The following TTYH3 variants were observed in gnomAD, a reference collection of about 807,000 sequenced individuals.
TTYH3 encodes the protein protein tweety homolog 3.
TTYH3 carries 23 observed loss-of-function variants against 68.2 expected under a neutral mutation model. The observed-to-expected ratio is 0.34, with a 90% CI of 0.24 to 0.48. The LOEUF (loss-of-function observed/expected upper bound fraction) is 0.48. TTYH3 is among the 20% of genes least tolerant of loss of function. The pLI is 0.99. For synonymous variants in TTYH3, 360 were observed against 332.8 expected (o/e 1.08, Z -0.89); for missense variants, 768 against 727.7 (o/e 1.06, Z -0.64).
At chr7:2,654,111 C>T (rs1287591951) in intron 9 of TTYH3, among the ~76,000 whole-genome samples, 5 of 152,110 alleles carry the variant, frequency 3.3e-5, no homozygotes, top group Admixed American at 2.0e-4. Flanking sequence ...TATACACACA[C>T]GGGGCCGGGC....
chr7:2,641,685 G>T (rs974122327), intron 1 of TTYH3, among the ~76,000 whole-genome samples: 3 of 152,256 alleles, frequency 2.0e-5, no homozygotes, highest in Non-Finnish European at 2.9e-5. Context: ...CGCCAGCCCG[G>T]TGGAGAGAGG....
chr7:2,661,565 C>T (rs1786497566), intron 13 of TTYH3, 103 bp from the exon 14 acceptor site: 2 of 1,161,822 alleles, frequency 1.7e-6, no homozygotes, highest in East Asian at 5.1e-5. Context: ...CATTCTGCCC[C>T]CAGGGCTGTT....
At chr7:2,650,613 C>T (rs1786148233) in intron 7 of TTYH3, among the ~76,000 whole-genome samples, 1 of 151,780 alleles carries the variant, frequency 6.6e-6, no homozygotes, top group African/African-American at 2.4e-5. Context: ...GACGCTGCAT[C>T]TCTTCTAAGA....
At chr7:2,651,813 C>T (rs1466260012) in intron 7 of TTYH3, among the ~76,000 whole-genome samples, 1 of 152,160 alleles carries the variant, frequency 6.6e-6, no homozygotes, top group Non-Finnish European at 1.5e-5. Context: ...GGAACCCAGG[C>T]AAGGGGCAGT....
Position 2,645,793 on chromosome 7 carries a change from G to A in TTYH3, c.124-1060G>A, listed in dbSNP as rs1230550046. The A allele has an allele frequency of 4.2e-6, 2 of 470,940 alleles. No homozygotes were observed. The highest frequency in any genetic ancestry group is 8.8e-6 in the Non-Finnish European group (2 of 227,038). The allele number at this position is 470,940 out of a possible 1,614,324, so 29.2% of individuals were successfully genotyped here. A position where few individuals can be genotyped will look rare whatever the true frequency, so the allele number is the denominator to read the frequency against. ...TCAGAAACACTTTCATGGTCAGCAA[G>A]AGGGGGTTCAGTCCCCCACAGGCTC... is the stretch of plus-strand genomic sequence containing the variant. On this transcript the variant is annotated intron_variant, in intron 1 of 13. Transcript: ENST00000258796. The surrounding 1 kb of genome is among the most constrained non-coding windows in gnomAD (Gnocchi z 4.8).
At chr7:2,651,505 C>A (rs1036223840) in intron 7 of TTYH3, among the ~76,000 whole-genome samples, 7 of 152,188 alleles carry the variant, frequency 4.6e-5, no homozygotes, top group Admixed American at 4.6e-4. Context: ...TCATCCTGGT[C>A]CCTCCAGGTC....
rs372091823 is a variant in TTYH3, at chr7:2,661,660, C to G, written c.1501-8C>G. The G allele has an allele frequency of 8.9e-5, 144 of 1,611,818 alleles. No homozygotes were observed. The highest frequency in any genetic ancestry group is 1.1e-4 in the Non-Finnish European group (128 of 1,179,324). On this transcript the variant is annotated splice_polypyrimidine_tract_variant and splice_region_variant and intron_variant, in intron 13 of 13. Coordinates refer to ENST00000258796, the MANE Select transcript of TTYH3 (RefSeq NM_025250.3). ...CCCTGCTGATGCCTCCCCCTTGTCT[C>G]CCTCCAGTACACCTCCAGCATGAGA...
intron 13 of TTYH3, chr7:2,660,193 G>C: frequency 4.1e-6 from 4 of 985,436 alleles, no homozygotes; most frequent in Non-Finnish European, 4.8e-6. Flanking sequence ...CCACGGCTCA[G>C]CCAGAGACTT....
intron 9 of TTYH3, among the ~76,000 whole-genome samples, chr7:2,655,345 C>T (rs1277545003): frequency 6.6e-6 from 1 of 152,104 alleles, no homozygotes; most frequent in African/African-American, 2.4e-5. Flanking sequence ...AGGGTTTCAC[C>T]ATGTTGCCCA....
chr7:2,634,356 C>T (rs1219380615), intron 1 of TTYH3, among the ~76,000 whole-genome samples: 1 of 152,192 alleles, frequency 6.6e-6, no homozygotes, highest in Non-Finnish European at 1.5e-5. Flanking sequence ...GCCAGGAGCC[C>T]CCTTCCTGGG....
At chr7:2,637,663 A>G (rs1785716069) in intron 1 of TTYH3, among the ~76,000 whole-genome samples, 2 of 152,140 alleles carry the variant, frequency 1.3e-5, no homozygotes, top group Non-Finnish European at 2.9e-5. Flanking sequence ...GGGGTCAAGG[A>G]CATGGGAAGT....
Position 2,661,980 on chromosome 7 carries a change from C to G in TTYH3, c.*241C>G, listed in dbSNP as rs927983948. 3.3e-6 allele frequency: 2 copies of G among 599,174 alleles called. No individual in the cohort carries two copies. Among genetic ancestry groups the G allele is most frequent in the Non-Finnish European group, 3.0e-6 (1 of 336,396 alleles). 37.1% of individuals were successfully genotyped at this position (599,174 alleles called of 1,614,324 possible). On this transcript the variant is annotated 3_prime_UTR_variant, in exon 14 of 14. Transcript: ENST00000258796. ...ACGCTGCTGCCAGCCGATGCCCCAG[C>G]CCTGCACGCCACCCACTATCCCGGC... is the stretch of plus-strand genomic sequence containing the variant.
At chr7:2,635,199 G>A (rs959344547) in intron 1 of TTYH3, among the ~76,000 whole-genome samples, 2 of 152,168 alleles carry the variant, frequency 1.3e-5, no homozygotes, top group South Asian at 2.1e-4. Context: ...GGCGTGGCCC[G>A]GGGCCAGTCA....
intron 1 of TTYH3, among the ~76,000 whole-genome samples, chr7:2,639,017 A>G (rs928116943): frequency 1.3e-5 from 2 of 152,056 alleles, no homozygotes; most frequent in African/African-American, 4.8e-5. Flanking sequence ...ACCCTGGCCC[A>G]GGACACCTGG....
intron 13 of TTYH3, chr7:2,659,955 C>T (rs1786445813): frequency 7.7e-7 from 1 of 1,303,844 alleles, no homozygotes; most frequent in African/African-American, 1.5e-5. Context: ...TCTGGCTGCC[C>T]TGGACTCTGG....
chr7:2,658,511 G>A (rs1162645601), intron 12 of TTYH3, 52 bp downstream of exon 12: 4 of 1,560,112 alleles, frequency 2.6e-6, no homozygotes, highest in South Asian at 1.2e-5. Flanking sequence ...CTGCGGCTGA[G>A]AGCGCGGATC....
intron 1 of TTYH3, chr7:2,646,019 C>CT (rs35440595): frequency 0.039 from 11,378 of 290,152 alleles, no homozygotes; most frequent in South Asian, 0.074. Flanking sequence ...AGCAGCAGCA[C>CT]TTTTTTTTTT....
chr7:2,659,993 C>T (rs527506737), intron 13 of TTYH3: 1 of 1,304,090 alleles, frequency 7.7e-7, no homozygotes, highest in Admixed American at 2.3e-5. Context: ...AGTTTAAGCC[C>T]ATGGACAGTG....
chr7:2,659,064 GTCCGCTGT>G (rs746736486), intron 13 of TTYH3, 49 bp downstream of exon 13: 2 of 1,574,518 alleles, frequency 1.3e-6, no homozygotes, highest in South Asian at 2.2e-5. Flanking sequence ...AGCCTTGGGG[GTCCGCTGT>G]TCCACTGCGT....
Sources: gnomAD v4.1 joint callset for allele counts (sites outside exome capture counted in the v4.1 genomes callset) on GRCh38, gnomAD v4.1.1 for gene constraint, Gnocchi (gnomAD v3.1) non-coding constraint, MANE v1.5 for transcripts, NCBI Gene and HGNC (gene_info 2026-07-23, HGNC 2026-07-21) for gene names.